The following EXOSC10 variants were observed in gnomAD, a reference collection of about 807,000 sequenced individuals.
EXOSC10 encodes exosome complex component 10.
EXOSC10 carries 94 observed loss-of-function variants against 126.6 expected under a neutral mutation model. That is an observed-to-expected ratio of 0.74 (90% CI 0.63 to 0.88). The LOEUF is 0.88. Among genes scored for constraint, EXOSC10 ranks in the 40% least tolerant of loss-of-function variants. The probability of loss-of-function intolerance (pLI) is 0.00; values close to 1 mark genes in which losing one functional copy is unlikely to be tolerated. For synonymous variants in EXOSC10, 395 were observed against 400.8 expected (o/e 0.99, Z 0.17); for missense variants, 1,041 against 1,100.5 (o/e 0.95, Z 0.77).
rs577839009 is a variant in EXOSC10, at chr1:11,087,842, G to A, written c.903C>T (p.Asn301=). 3.0e-5 allele frequency: 49 copies of A among 1,613,814 alleles called. No homozygotes were observed. Among genetic ancestry groups the A allele is most frequent in the Admixed American group, 2.5e-4 (15 of 59,970 alleles). The change falls in exon 8 of 25, where the codon AAC becomes AAT. Residue 301 remains asparagine, a synonymous_variant. Transcript: ENST00000376936. ...ATTCCTGACAATTCAAGAGCTTTTC[G>A]TTGAGTTCCACGAGTTCATCCAGGG... ...ISSLDELVEL[N]EKLLNCQEFA... is the part of the protein sequence containing the mutation.
rs781091425 is a variant in EXOSC10 at position 11,088,192 on chromosome 1, T to C, written c.765A>G (p.Ala255=). The C allele has an allele frequency of 1.2e-6, 2 of 1,606,596 alleles. No individual in the cohort carries two copies. The highest frequency in any genetic ancestry group is 2.2e-5 in the East Asian group (1 of 44,784). Residue 255 remains alanine, a synonymous_variant, in exon 7 of 25, where the codon GCA becomes GCG. Transcript: ENST00000376936. The part of the protein sequence containing the change: ...RTQQVEQDMF[A]HPYQYELNHF... ...GATTTAGTTCATATTGATAAGGATG[T>C]GCAAACCTGAGTAAATAAAACAAAA...
intron 17 of EXOSC10, among the ~76,000 whole-genome samples, chr1:11,075,547 A>G (rs1301206730): frequency 6.6e-6 from 1 of 152,184 alleles, no homozygotes; most frequent in Non-Finnish European, 1.5e-5. Flanking sequence ...AATCATCTTC[A>G]TGACTCAAAT....
At chr1:11,073,153 G>C (rs1437535984) in intron 19 of EXOSC10, 2 of 151,504 alleles carry the variant, frequency 1.3e-5, no homozygotes, top group African/African-American at 4.8e-5. Context: ...TTTCTTTTTT[G>C]GCTAGAGTTC....
chr1:11,083,230 T>C (rs1640268550), intron 9 of EXOSC10, among the ~76,000 whole-genome samples: 1 of 152,178 alleles, frequency 6.6e-6, no homozygotes, highest in Non-Finnish European at 1.5e-5. Flanking sequence ...ATTACAGGCC[T>C]GAGCCACCTC....
rs144838425 is a variant in EXOSC10, at chr1:11,091,004, C to A, written c.643+10G>T. 8,917 of 1,612,436 alleles carry A rather than the reference C, an allele frequency of 5.5e-3. 35 individuals carry two copies. The highest frequency in any genetic ancestry group is 7.1e-3 in the Non-Finnish European group (8,355 of 1,179,274). ...GAGACTCAAACACAGGCAAAGTATG[C>A]ACTATTTACCTTGAGGGAGAGGTTT... On this transcript the variant is annotated intron_variant, in intron 5 of 24. Coordinates refer to ENST00000376936, the MANE Select transcript of EXOSC10 (RefSeq NM_001001998.3).
In EXOSC10 at chr1:11,091,729, C is replaced by G. The variant is rs184025310; in HGVS notation, c.373-132G>C. 2.6e-3 allele frequency: 1,618 copies of G among 616,482 alleles called. 28 individuals are homozygous for G. In the African/African-American group the frequency reaches 0.027, roughly 10 times the overall value. 38.2% of individuals were successfully genotyped at this position (616,482 alleles called of 1,614,324 possible). On this transcript the variant is annotated intron_variant, in intron 3 of 24. Coordinates refer to ENST00000376936, the MANE Select transcript of EXOSC10 (RefSeq NM_001001998.3). ...GCTGGAGTGCAGTGGCGCAATCTTG[C>G]CTCACTGCAACTCTTTACAGTTCTG... is the stretch of plus-strand genomic sequence containing the variant.
In EXOSC10 at chr1:11,082,695, T is replaced by G; in HGVS notation, c.1273A>C (p.Arg425=). The G allele has an allele frequency of 6.2e-7, 1 of 1,614,156 alleles. No homozygotes were observed. Among genetic ancestry groups the G allele is most frequent in the Non-Finnish European group, 8.5e-7 (1 of 1,180,010 alleles). ...SNKQYQLADW[R]IRPLPEEMLS... is the part of the protein sequence containing the mutation. ...CAGTAAGAGCAAACTGACCGTATTC[T>G]CCAATCAGCCAGCTGATATTGCTTG... The change falls in exon 10 of 25, where the codon AGA becomes CGA. Residue 425 remains arginine (R), a synonymous_variant. Coordinates refer to ENST00000376936, the MANE Select transcript of EXOSC10 (RefSeq NM_001001998.3).
intron 16 of EXOSC10, chr1:11,077,163 G>A (rs576426252): frequency 3.2e-5 from 20 of 629,254 alleles, no homozygotes; most frequent in South Asian, 2.0e-4. Flanking sequence ...GCTAATTTTT[G>A]TATTTTTAGT....
At chr1:11,070,719 A>G (rs1639431479) in intron 21 of EXOSC10, 181 bp downstream of exon 21, 1 of 589,398 alleles carries the variant, frequency 1.7e-6, no homozygotes, top group Non-Finnish European at 3.0e-6. Flanking sequence ...GAATTACAAT[A>G]TCAATCTTGT....
At chr1:11,097,798 T>C (rs1641198317) in intron 2 of EXOSC10, among the ~76,000 whole-genome samples, 1 of 152,020 alleles carries the variant, frequency 6.6e-6, no homozygotes, top group Non-Finnish European at 1.5e-5. Context: ...CAAAAGTCAA[T>C]ATATTTTTTC....
intron 3 of EXOSC10, among the ~76,000 whole-genome samples, chr1:11,092,222 CTTT>C (rs775349933): frequency 7.9e-5 from 12 of 152,006 alleles, no homozygotes; most frequent in Non-Finnish European, 1.5e-4. Context: ...ACCTGTTTTT[CTTT>C]TTTCTTTTTT....
chr1:11,067,959 G>A (rs754381526), intron 24 of EXOSC10, 49 bp downstream of exon 24: 2 of 1,551,646 alleles, frequency 1.3e-6, no homozygotes, highest in Non-Finnish European at 1.8e-6. Context: ...ACGCAGGGCA[G>A]GTGCTTTCTC....
At position 11,077,357 on chromosome 1, in the gene EXOSC10, G is replaced by C. The variant is rs753213386; in HGVS notation, c.1879+8C>G. 1.9e-6 allele frequency: 3 copies of C among 1,607,160 alleles called. No individual in the cohort carries two copies. The South Asian group carries it at 3.3e-5, about 18-fold the overall frequency. ...CTTCGGGACAGTCAGGAGGGCTCTC[G>C]ACTTTACCACTGGTTGGGATGATTG... is the stretch of plus-strand genomic sequence containing the variant. On this transcript the variant is annotated splice_region_variant and intron_variant, in intron 16 of 24. Coordinates refer to ENST00000376936, the MANE Select transcript of EXOSC10 (RefSeq NM_001001998.3).
rs777892192 is a variant in EXOSC10, at chr1:11,067,991, C to T, written c.2627+17G>A. 13 of 1,612,508 alleles carry T rather than the reference C, an allele frequency of 8.1e-6. No homozygotes were observed. The highest frequency in any genetic ancestry group is 6.7e-5 in the African/African-American group (5 of 74,886). ...TCTCACTGGGCTCCCTGGGCCACACCGCCGTCCACCACATACCTGTCTGAC... is the reference window on the plus strand; with the variant it reads ...TCTCACTGGGCTCCCTGGGCCACACTGCCGTCCACCACATACCTGTCTGAC... On this transcript the variant is annotated intron_variant, in intron 24 of 24. Coordinates refer to ENST00000376936, the MANE Select transcript of EXOSC10 (RefSeq NM_001001998.3).
Position 11,080,559 on chromosome 1 carries a change from AAAAAACACACACACACACACACACAC to A in EXOSC10, c.1587-36_1587-11del. On this transcript the variant is annotated splice_polypyrimidine_tract_variant and intron_variant, in intron 12 of 24. Coordinates refer to ENST00000376936, the MANE Select transcript of EXOSC10 (RefSeq NM_001001998.3). ...GTTTGGCAGTACATATCTGGAAAAA[AAAAAACACACACACACACACACACAC>A]ACACACACACACACACACACGGTGG... 1.3e-6 allele frequency: 2 copies of A among 1,519,370 alleles called. No homozygotes were observed. The highest frequency in any genetic ancestry group is 4.0e-5 in the Admixed American group (2 of 50,386). 94.1% of individuals were successfully genotyped at this position (1,519,370 alleles called of 1,614,324 possible).
At chr1:11,080,594 ACACACACACACG>A (rs747099101) in intron 12 of EXOSC10, 45 bp from the exon 13 acceptor site, 29,615 of 1,573,198 alleles carry the variant, frequency 0.019, 353 homozygotes, top group East Asian at 0.12. Context: ...ACACACACAC[ACACACACACACG>A]GTGGGGACAC....
Position 11,070,914 on chromosome 1 carries a change from G to C in EXOSC10, c.2302C>G (p.Arg768Gly). 6.2e-7 allele frequency: 1 copy of C among 1,613,994 alleles called. No individual in the cohort carries two copies. Among genetic ancestry groups the C allele is most frequent in the South Asian group, 1.1e-5 (1 of 91,072 alleles). Reference protein sequence around the residue: ...KAAAEQAISVRQQVVLENAAK... With the variant: ...KAAAEQAISVGQQVVLENAAK... The stretch of plus-strand genomic sequence containing the variant: ...CTGGCACATACCACGACCTGCTGTC[G>C]GACGGAGATGGCCTGTTCTGCTGCA... The change falls in exon 21 of 25, where the codon CGA (arginine) becomes GGA (glycine). Residue 768 changes from arginine (R) to glycine (G), a missense_variant. By Grantham distance (125) the Arg-to-Gly change is moderately radical. Coordinates refer to ENST00000376936, the MANE Select transcript of EXOSC10 (RefSeq NM_001001998.3).
Position 11,088,106 on chromosome 1 carries a change from T to C in EXOSC10, c.834+17A>G. On this transcript the variant is annotated intron_variant, in intron 7 of 24. Coordinates refer to ENST00000376936, the MANE Select transcript of EXOSC10 (RefSeq NM_001001998.3). ...GGGCTACTACACGGCACCTTTAAAC[T>C]AAGGCTGGGTACTAACCTGGGGTTG... The C allele has an allele frequency of 6.2e-7, 1 of 1,604,138 alleles. No homozygotes were observed. Among genetic ancestry groups the C allele is most frequent in the South Asian group, 1.1e-5 (1 of 89,898 alleles).
intron 23 of EXOSC10, chr1:11,068,323 T>C: frequency 1.7e-6 from 1 of 586,576 alleles, no homozygotes; most frequent in South Asian, 2.1e-5. Flanking sequence ...CCACGCTGTT[T>C]CCCTGGCACC....
Sources: gnomAD v4.1 joint callset for allele counts (sites outside exome capture counted in the v4.1 genomes callset) on GRCh38, gnomAD v4.1.1 for gene constraint, MANE v1.5 for transcripts, NCBI Gene and HGNC (gene_info 2026-07-23, HGNC 2026-07-21) for gene names.